CIB1: variants seen among roughly 807,000 people sequenced by gnomAD.
CIB1 encodes calcium and integrin-binding protein 1.
A neutral mutation model predicts 25.0 loss-of-function variants in CIB1; 19 were observed. That is an observed-to-expected ratio of 0.76 (90% CI 0.53 to 1.12). The LOEUF (loss-of-function observed/expected upper bound fraction) is 1.12, where lower values mean the gene tolerates loss of function less well. Among genes scored for constraint, CIB1 ranks in the 50% most tolerant of loss-of-function variants. CIB1 has a pLI of 0.00. For synonymous variants in CIB1, 104 were observed against 98.5 expected (o/e 1.06, Z -0.33); for missense variants, 236 against 242.6 (o/e 0.97, Z 0.18).
At chr15:90,262,990 A>C in the CIB1 span, 21 of 1,535,872 alleles carry the variant, frequency 1.4e-5, no homozygotes, top group Non-Finnish European at 1.7e-5. Flanking sequence ...GCTGGACACC[A>C]TGAGGCCTCA....
the CIB1 span, chr15:90,240,766 T>G: frequency 3.2e-6 from 2 of 618,442 alleles, no homozygotes; most frequent in Admixed American, 3.0e-5. Flanking sequence ...TGAACCAAGA[T>G]CACTGCCACT....
upstream of CIB1, among the ~76,000 whole-genome samples, chr15:90,236,691 G>A (rs1269816749): frequency 2.0e-5 from 3 of 150,740 alleles, no homozygotes; most frequent in Non-Finnish European, 3.0e-5. Flanking sequence ...GCACCACCAC[G>A]CCCAGCTAAT....
chr15:90,234,782 C>T (rs1962596797), upstream of CIB1, among the ~76,000 whole-genome samples: 2 of 152,194 alleles, frequency 1.3e-5, no homozygotes, highest in Non-Finnish European at 2.9e-5. Flanking sequence ...AGACTGCTGA[C>T]CCTTTGCTCT....
the CIB1 span, chr15:90,241,835 C>A: frequency 6.2e-7 from 1 of 1,614,222 alleles, no homozygotes; most frequent in Non-Finnish European, 8.5e-7. Context: ...TCACAGGGGT[C>A]CGAGTAATTC....
chr15:90,234,118 C>A (rs1962579063), upstream of CIB1: 1 of 376,266 alleles, frequency 2.7e-6, no homozygotes, highest in Admixed American at 4.6e-5. Flanking sequence ...GGGAGGGGCC[C>A]GACGCTCCGG....
chr15:90,246,787 C>CAAAAAAAAAAAAAAA, the CIB1 span, among the ~76,000 whole-genome samples: 6 of 45,248 alleles, frequency 1.3e-4, no homozygotes, highest in African/African-American at 3.0e-4. Context: ...GACTCTGTCT[C>CAAAAAAAAAAAAAAA]AAAAAAAAAA....
the CIB1 span, chr15:90,257,009 T>C: frequency 3.3e-6 from 3 of 896,770 alleles, no homozygotes; most frequent in African/African-American, 5.1e-5. Context: ...TAAGTGGGAG[T>C]AATAACAGTA....
the CIB1 span, chr15:90,251,612 C>A: frequency 6.2e-6 from 10 of 1,613,236 alleles, no homozygotes; most frequent in Non-Finnish European, 8.5e-6. Flanking sequence ...CCCAGCCCGT[C>A]GCTCACACTG....
the CIB1 span, chr15:90,244,314 A>G: frequency 0.045 from 6,894 of 152,226 alleles, 497 homozygotes; most frequent in African/African-American, 0.15. Flanking sequence ...CTTGATGTAG[A>G]CACAAAATCC....
chr15:90,241,853 C>T, the CIB1 span: 2 of 1,614,008 alleles, frequency 1.2e-6, no homozygotes, highest in South Asian at 1.1e-5. Context: ...TTCTGTGGGC[C>T]CGGAAGTCCA....
chr15:90,252,227 G>A, the CIB1 span, among the ~76,000 whole-genome samples: 323 of 152,124 alleles, frequency 2.1e-3, 3 homozygotes, highest in Non-Finnish European at 1.6e-3. Context: ...TTAGTAGACA[G>A]AGTTTCTCCA....
chr15:90,231,907 G>A (rs1025928972), intron 3 of CIB1, among the ~76,000 whole-genome samples: 1 of 152,220 alleles, frequency 6.6e-6, no homozygotes, highest in Non-Finnish European at 1.5e-5. Context: ...GCAGCCTTAC[G>A]GAGTGGCAAT....
At chr15:90,262,876 T>C in the CIB1 span, 1 of 1,374,246 alleles carries the variant, frequency 7.3e-7, no homozygotes, top group Non-Finnish European at 9.7e-7. Context: ...GGGATGAGGG[T>C]AGAGTGGGCA....
At chr15:90,234,079 G>T (rs1005875802), upstream of CIB1, 6 of 521,898 alleles carry the variant, frequency 1.1e-5, no homozygotes, top group Admixed American at 4.2e-5. Context: ...GGCTCCAAGC[G>T]GTCCTAGGCG....
the CIB1 span, among the ~76,000 whole-genome samples, chr15:90,254,204 A>T: frequency 0.047 from 1,995 of 42,334 alleles, 42 homozygotes; most frequent in African/African-American, 0.25. Flanking sequence ...TTTTTTTTTA[A>T]AAAAAAAAGG....
At chr15:90,254,308 CA>C in the CIB1 span, among the ~76,000 whole-genome samples, 2 of 151,582 alleles carry the variant, frequency 1.3e-5, no homozygotes, top group African/African-American at 4.8e-5. Context: ...GCCTGACCAA[CA>C]GGGTAAAACC....
In CIB1 at chr15:90,231,171, C is replaced by T. The variant is rs552611897; in HGVS notation, c.389G>A (p.Arg130Gln). 1.5e-5 allele frequency: 25 copies of T among 1,614,070 alleles called. No homozygotes were observed. In the Admixed American group the frequency reaches 2.0e-4, roughly 13 times the overall value. Reference protein sequence around the residue: ...DGTLNREDLSRLVNCLTGEGE... With the variant: ...DGTLNREDLSQLVNCLTGEGE... ...CTCTCCCGTGAGGCAGTTCACCAGC[C>T]GGCTCAGGTCTTCTCTGTTCAAGGT... The change falls in exon 5 of 7, where the codon CGG (arginine) becomes CAG (glutamine). Residue 130 changes from arginine (R) to glutamine (Q), a missense_variant. Coordinates refer to ENST00000328649, the MANE Select transcript of CIB1 (RefSeq NM_006384.4).
chr15:90,231,363 T>A lies in CIB1; in HGVS notation c.340A>T (p.Ile114Phe), dbSNP rs1962485272. The A allele has an allele frequency of 6.2e-7, 1 of 1,613,946 alleles. No homozygotes were observed. The highest frequency in any genetic ancestry group is 8.5e-7 in the Non-Finnish European group (1 of 1,179,840). The change falls in exon 4 of 7, where the codon ATC becomes TTC. Residue 114 changes from isoleucine (I) to phenylalanine (F), a missense_variant. By Grantham distance (21) the Ile-to-Phe change is conservative (BLOSUM62 0). Coordinates refer to ENST00000328649, the MANE Select transcript of CIB1 (RefSeq NM_006384.4). ...GGCTGCTCCTGGTTCTCACCAAAGA[T>A]GCGGAAGGCATAATGGGACTTGATG... Reference protein sequence around the residue: ...PDIKSHYAFRIFDFDDDGTLN... With the variant: ...PDIKSHYAFRFFDFDDDGTLN...
At chr15:90,256,359 T>C in the CIB1 span, 1 of 1,602,106 alleles carries the variant, frequency 6.2e-7, no homozygotes, top group Non-Finnish European at 8.5e-7. Flanking sequence ...GCCTCATCTC[T>C]CCCAAAAGCC....
Sources: gnomAD v4.1 joint callset for allele counts (sites outside exome capture counted in the v4.1 genomes callset) on GRCh38, gnomAD v4.1.1 for gene constraint, MANE v1.5 for transcripts, NCBI Gene and HGNC (gene_info 2026-07-23, HGNC 2026-07-21) for gene names.